Variants in DNAH2 observed in about 807,000 individuals in gnomAD.
The protein encoded by DNAH2 is dynein axonemal heavy chain 2, also known as axonemal beta dynein heavy chain 2.
Under a neutral mutation model 523.5 loss-of-function variants are expected in DNAH2, and 323 were observed. The ratio of observed to expected loss-of-function variants is 0.62; its 90% CI spans 0.56 to 0.68. The LOEUF is 0.68. Among genes scored for constraint, DNAH2 ranks in the 30% least tolerant of loss-of-function variants. The pLI, the probability that DNAH2 is intolerant of heterozygous loss-of-function variation, is 0.00. For missense variants in DNAH2, 4,907 were observed against 5,701.5 expected (o/e 0.86, Z 4.49); for synonymous variants, 2,093 against 2,177.4 (o/e 0.96, Z 1.08).
chr17:7,819,090 C>A, intron 71 of DNAH2, 27 bp downstream of exon 71: 1 of 1,600,550 alleles, frequency 6.2e-7, no homozygotes, highest in South Asian at 1.1e-5. Flanking sequence ...CCAGTCCTGC[C>A]TCCCACCAGC....
rs1338018144 is a variant in DNAH2, at chr17:7,780,701, C to A, written c.5922C>A (p.Asp1974Glu). 2.5e-6 allele frequency: 4 copies of A among 1,614,122 alleles called. No homozygotes were observed. The highest frequency in any genetic ancestry group is 1.3e-5 in the African/African-American group (1 of 74,950). Reference protein sequence around the residue: ...VQQLSRQDHYDFGLRALTSLL... With the variant: ...VQQLSRQDHYEFGLRALTSLL... ...AGCTGTCCAGACAGGACCACTATGA[C>A]TTTGGCCTGCGTGCCCTCACCTCCC... is the stretch of plus-strand genomic sequence containing the variant. Residue 1974 changes from aspartate (D) to glutamate (E), a missense_variant, in exon 38 of 86, where the codon GAC becomes GAA. Around this residue, in one of 3 missense-constraint regions of DNAH2, gnomAD observed 2,806 missense variants for 3,190.8 expected, o/e 0.88. Coordinates refer to ENST00000572933, the MANE Select transcript of DNAH2 (RefSeq NM_020877.5). This position sits in a 1 kb window ranked among gnomAD's most constrained non-coding sequence, Gnocchi z 4.4.
chr17:7,765,614 C>T, intron 21 of DNAH2, 49 bp downstream of exon 21: 1 of 1,568,176 alleles, frequency 6.4e-7, no homozygotes, highest in Non-Finnish European at 8.7e-7. Context: ...GTTTAGAGAC[C>T]CCGCCTTCCA....
At chr17:7,830,886 T>G (rs1181946411) in intron 79 of DNAH2, 44 bp downstream of exon 79, 1 of 1,610,262 alleles carries the variant, frequency 6.2e-7, no homozygotes, top group Non-Finnish European at 8.5e-7. Flanking sequence ...AGGTCACAAG[T>G]CAGCCAGGTG....
rs1555544463 is a variant in DNAH2 at position 7,752,160 on chromosome 17, TACAC to T, written c.1905-4899_1905-4896del. On this transcript the variant is annotated intron_variant, in intron 12 of 85. Coordinates refer to ENST00000572933, the MANE Select transcript of DNAH2 (RefSeq NM_020877.5). ...CCTGCCTTTTCCCCTTAAGTCATTT[TACAC>T]ACACACACACACACACACACACACA... Among the ~76,000 whole-genome samples the T allele has an allele frequency of 2.1e-3, 257 of 125,034 alleles. 1 individual carries two copies. Among genetic ancestry groups the T allele is most frequent in the Admixed American group, 5.2e-3 (63 of 12,018 alleles). 82.0% of individuals were successfully genotyped at this position (125,034 alleles called of 152,430 possible).
intron 39 of DNAH2, among the ~76,000 whole-genome samples, chr17:7,784,218 A>G (rs2076675842): frequency 6.6e-6 from 1 of 152,198 alleles, no homozygotes; most frequent in South Asian, 2.1e-4. Context: ...AAGTAGAGCA[A>G]ATTTTGCACA....
intron 2 of DNAH2, among the ~76,000 whole-genome samples, chr17:7,721,344 T>A (rs990886658): frequency 6.6e-6 from 1 of 152,144 alleles, no homozygotes; most frequent in African/African-American, 2.4e-5. Flanking sequence ...CGGCTAATTT[T>A]TGTATTTTTA....
At chr17:7,720,294 T>A (rs568080701) in intron 2 of DNAH2, among the ~76,000 whole-genome samples, 1 of 152,226 alleles carries the variant, frequency 6.6e-6, no homozygotes, top group East Asian at 1.9e-4. Flanking sequence ...ATTAAGCCCA[T>A]CACCATGGAG....
chr17:7,757,262 C>T lies in DNAH2; in HGVS notation c.2051+25C>T, dbSNP rs199497764. Reference sequence around the variant, plus strand: ...GGTAGGGCTTCAGTCCTCACTGCAGCCCTTCAAGATGCTATTTTATTCCTT... The same window carrying T: ...GGTAGGGCTTCAGTCCTCACTGCAGTCCTTCAAGATGCTATTTTATTCCTT... On this transcript the variant is annotated intron_variant, in intron 13 of 85. Coordinates refer to ENST00000572933, the MANE Select transcript of DNAH2 (RefSeq NM_020877.5). 2,001 of 1,609,192 alleles carry T rather than the reference C, an allele frequency of 1.2e-3. 5 individuals are homozygous for T. Among genetic ancestry groups the T allele is most frequent in the Non-Finnish European group, 1.5e-3 (1,805 of 1,176,194 alleles).
chr17:7,798,820 T>A lies in DNAH2; in HGVS notation c.8559+102T>A. 1 of 756,970 alleles carries A rather than the reference T, an allele frequency of 1.3e-6. No homozygotes were observed. Among genetic ancestry groups the A allele is most frequent in the East Asian group, 2.3e-5 (1 of 43,812 alleles). The allele number at this position is 756,970 out of a possible 1,614,324, so 46.9% of individuals were successfully genotyped here. ...GAATGTGCCACTGGCACACCCCCAC[T>A]GCCACACCCCCACTGCCCACCTCAG... On this transcript the variant is annotated intron_variant, in intron 55 of 85. Coordinates refer to ENST00000572933, the MANE Select transcript of DNAH2 (RefSeq NM_020877.5). The surrounding 1 kb of genome is among the most constrained non-coding windows in gnomAD (Gnocchi z 5.5).
chr17:7,825,789 C>T (rs1198172274), intron 77 of DNAH2, among the ~76,000 whole-genome samples: 3 of 152,242 alleles, frequency 2.0e-5, no homozygotes, highest in Admixed American at 6.5e-5. Context: ...GAATTGCCAT[C>T]AGATTACAAA....
chr17:7,804,915 C>T (rs1397951107), intron 59 of DNAH2, 43 bp from the exon 60 acceptor site: 21 of 1,567,040 alleles, frequency 1.3e-5, no homozygotes, highest in Non-Finnish European at 1.8e-5. Context: ...CCACCTTTGC[C>T]CAAGGCAAAG....
chr17:7,799,041 C>T (rs1312919209), intron 55 of DNAH2, 62 bp from the exon 56 acceptor site: 5 of 1,589,778 alleles, frequency 3.1e-6, no homozygotes, highest in Non-Finnish European at 4.3e-6. Context: ...ACCTGACCCG[C>T]TGCCCCCGCT....
At position 7,760,912 on chromosome 17, in the gene DNAH2, T is replaced by C; in HGVS notation, c.2958T>C (p.Ser986=). Reference sequence around the variant, plus strand: ...AGCGCCTCAACCCTCCTGTCTCTTCTTTTGTTGCCGACATTGCCCGGTGAG... The same window carrying C: ...AGCGCCTCAACCCTCCTGTCTCTTCCTTTGTTGCCGACATTGCCCGGTGAG... ...RYQRLNPPVS[S]FVADIARYTE... is the part of the protein sequence containing the mutation. Residue 986 remains serine (S), a synonymous_variant, in exon 18 of 86, where the codon TCT becomes TCC. Transcript: ENST00000572933. The surrounding 1 kb of genome is among the most constrained non-coding windows in gnomAD (Gnocchi z 4.0). The C allele has an allele frequency of 6.2e-7, 1 of 1,614,098 alleles. No individual in the cohort carries two copies. Among genetic ancestry groups the C allele is most frequent in the Non-Finnish European group, 8.5e-7 (1 of 1,179,994 alleles).
In DNAH2 at chr17:7,798,686, C is replaced by T. The variant is rs200026430; in HGVS notation, c.8527C>T (p.Pro2843Ser). The change falls in exon 55 of 86, where the codon CCC (proline) becomes TCC (serine). Residue 2843 changes from proline (P) to serine (S), a missense_variant. By Grantham distance (74) the Pro-to-Ser change is moderately conservative (BLOSUM62 -1). This residue lies in a region of DNAH2 where 1,851 missense variants were observed against 2,139.4 expected (regional missense o/e 0.87). Coordinates refer to ENST00000572933, the MANE Select transcript of DNAH2 (RefSeq NM_020877.5). This position sits in a 1 kb window ranked among gnomAD's most constrained non-coding sequence, Gnocchi z 5.5. ...INNILSSGEV[P>S]NLYKPDEFEE... is the part of the protein sequence containing the mutation. Reference sequence around the variant, plus strand: ...CAACATCCTCAGCTCAGGCGAGGTGCCCAATCTCTACAAGCCTGATGAATT... The same window carrying T: ...CAACATCCTCAGCTCAGGCGAGGTGTCCAATCTCTACAAGCCTGATGAATT... 3.4e-5 allele frequency: 55 copies of T among 1,613,898 alleles called. 1 individual carries two copies. The East Asian group carries it at 1.2e-3, about 35-fold the overall frequency.
intron 58 of DNAH2, among the ~76,000 whole-genome samples, chr17:7,803,395 GCACGGTGACT>G (rs1380337635): frequency 1.3e-5 from 2 of 152,200 alleles, no homozygotes; most frequent in East Asian, 3.8e-4. Context: ...ATAAGGCTGG[GCACGGTGACT>G]CACGCCTGTA....
At chr17:7,812,577 C>T (rs2077545568) in intron 63 of DNAH2, among the ~76,000 whole-genome samples, 1 of 151,730 alleles carries the variant, frequency 6.6e-6, no homozygotes, top group Non-Finnish European at 1.5e-5. Context: ...ATGATTATGC[C>T]ACTGTCCTCC....
At position 7,801,971 on chromosome 17, in the gene DNAH2, T is replaced by C. The variant is rs1385300743; in HGVS notation, c.8926T>C (p.Tyr2976His). 1.2e-6 allele frequency: 2 copies of C among 1,614,038 alleles called. No individual in the cohort carries two copies. The highest frequency in any genetic ancestry group is 3.3e-5 in the Admixed American group (2 of 60,002). The stretch of plus-strand genomic sequence containing the variant: ...GCTGTTGGAACTGCGGAGACACAAC[T>C]ATGTCACACCCACCAAATACCTGGA... ...KMLLELRRHN[Y>H]VTPTKYLELL... Residue 2976 changes from tyrosine to histidine, a missense_variant, in exon 58 of 86, where the codon TAT becomes CAT. By Grantham distance (83) the Tyr-to-His change is moderately conservative. Coordinates refer to ENST00000572933, the MANE Select transcript of DNAH2 (RefSeq NM_020877.5).
intron 48 of DNAH2, among the ~76,000 whole-genome samples, chr17:7,793,517 TC>T (rs376085570): frequency 0.1 from 11,827 of 117,222 alleles, 814 homozygotes; most frequent in Middle Eastern, 0.16. Context: ...CTTTCTTTCT[TC>T]TCTTTCTCTT....
chr17:7,723,498 C>G, intron 2 of DNAH2, 130 bp from the exon 3 acceptor site: 1 of 705,760 alleles, frequency 1.4e-6, no homozygotes, highest in Non-Finnish European at 2.6e-6. Context: ...TCTCAAACTC[C>G]TGACCTCAGG....
Sources: gnomAD v4.1 joint callset for allele counts (sites outside exome capture counted in the v4.1 genomes callset) on GRCh38, gnomAD v4.1.1 for gene constraint, gnomAD v4.1.1 regional missense constraint, Gnocchi (gnomAD v3.1) non-coding constraint, MANE v1.5 for transcripts, NCBI Gene and HGNC (gene_info 2026-07-23, HGNC 2026-07-21) for gene names.